The following NFKBIE variants were observed in gnomAD, a reference collection of about 807,000 sequenced individuals.
NFKBIE encodes the protein NFKB inhibitor epsilon, also known as NF-kappa-B inhibitor epsilon.
NFKBIE carries 11 observed loss-of-function variants against 31.6 expected under a neutral mutation model. The observed-to-expected ratio is 0.35, with a 90% CI of 0.22 to 0.58. The LOEUF is 0.58. Ranked by LOEUF, NFKBIE falls within the 20% of genes least tolerant of loss-of-function variation. The pLI is 0.83. For missense variants in NFKBIE, 354 were observed against 465.7 expected, an observed-to-expected ratio of 0.76 and a Z score of 2.21; for synonymous variants, 208 against 210.1, an observed-to-expected ratio of 0.99 and a Z score of 0.09.
intron 5 of NFKBIE, 45 bp downstream of exon 5, chr6:44,259,998 C>A (rs989140155): frequency 6.3e-7 from 1 of 1,595,134 alleles, no homozygotes; most frequent in African/African-American, 1.3e-5. Flanking sequence ...CCTCTCTCTG[C>A]TATGGGTGTG....
At position 44,265,154 on chromosome 6, in the gene NFKBIE, C is replaced by T; in HGVS notation, c.193G>A (p.Asp65Asn). The T allele has an allele frequency of 1.3e-6, 2 of 1,552,036 alleles. No homozygotes were observed. The highest frequency in any genetic ancestry group is 1.7e-6 in the Non-Finnish European group (2 of 1,147,106). ...TAGGTGGAATCAGCCCGCTCCCCATCCGCGTCTTCCTTCTCCTGTGGTTCC... is the reference window on the plus strand; with the variant it reads ...TAGGTGGAATCAGCCCGCTCCCCATTCGCGTCTTCCTTCTCCTGTGGTTCC... ...VKEPQEKEDADGERADSTYGS... is the reference protein window; with the variant it reads ...VKEPQEKEDANGERADSTYGS... Residue 65 changes from aspartate to asparagine, a missense_variant, in exon 1 of 6, where the codon GAT becomes AAT. By Grantham distance (23) the Asp-to-Asn change is conservative (BLOSUM62 1). Coordinates refer to ENST00000619360, the MANE Select transcript of NFKBIE (RefSeq NM_004556.3).
rs1204910529 is a variant in NFKBIE at position 44,260,181 on chromosome 6, G to A, written c.882C>T (p.Arg294=). ...LLQAGAQVDA[R]MLNGCTPLHL... is the part of the protein sequence containing the mutation. Reference sequence around the variant, plus strand: ...GCAGGGGTGTGCACCCGTTCAGCATGCGGGCATCTACCTGGGCACCAGCCT... The same window carrying A: ...GCAGGGGTGTGCACCCGTTCAGCATACGGGCATCTACCTGGGCACCAGCCT... The change falls in exon 5 of 6, where the codon CGC becomes CGT. Residue 294 remains arginine (R), a synonymous_variant. Transcript: ENST00000619360. The surrounding 1 kb of genome is among the most constrained non-coding windows in gnomAD (Gnocchi z 5.5). 2.0e-5 allele frequency: 33 copies of A among 1,614,078 alleles called. No homozygotes were observed. The highest frequency in any genetic ancestry group is 2.6e-5 in the Non-Finnish European group (31 of 1,180,036).
Position 44,258,913 on chromosome 6 carries a change from A to G in NFKBIE, c.*306T>C, listed in dbSNP as rs1781784792. 3.7e-6 allele frequency: 1 copy of G among 266,942 alleles called. No individual in the cohort carries two copies. Among genetic ancestry groups the G allele is most frequent in the Middle Eastern group, 1.4e-3 (1 of 716 alleles). 16.5% of individuals were successfully genotyped at this position (266,942 alleles called of 1,614,324 possible). ...GTTGGCAGTTTCAGGCTGACCCAAC[A>G]TGGGTAAAACAAGAGCACCTGCCAT... On this transcript the variant is annotated 3_prime_UTR_variant, in exon 6 of 6. Transcript: ENST00000619360.
At chr6:44,264,940 C>T in intron 1 of NFKBIE, 42 bp downstream of exon 1, 1 of 1,541,440 alleles carries the variant, frequency 6.5e-7, no homozygotes. Context: ...CTTGGGCAGG[C>T]CCAGAGTTAG....
At position 44,260,951 on chromosome 6, in the gene NFKBIE, T is replaced by C. The variant is rs548664127; in HGVS notation, c.692-412A>G. Among the ~76,000 whole-genome samples the C allele has an allele frequency of 1.3e-3, 193 of 151,246 alleles. 1 individual carries two copies. Among genetic ancestry groups the C allele is most frequent in the Non-Finnish European group, 1.2e-3 (78 of 67,802 alleles). ...TCTGAAAAGCCACCTAAGATCCTCA[T>C]GCCCCCAGCCCTTTCTCAGGGGCCG... On this transcript the variant is annotated intron_variant, in intron 3 of 5. Coordinates refer to ENST00000619360, the MANE Select transcript of NFKBIE (RefSeq NM_004556.3). This position sits in a 1 kb window ranked among gnomAD's most constrained non-coding sequence, Gnocchi z 5.5.
At position 44,261,116 on chromosome 6, in the gene NFKBIE, T is replaced by C. The variant is rs959376583; in HGVS notation, c.691+510A>G. On this transcript the variant is annotated intron_variant, in intron 3 of 5. Transcript: ENST00000619360. The surrounding 1 kb of genome is among the most constrained non-coding windows in gnomAD (Gnocchi z 4.3). ...CGCTATTCAGATGTCACTGGCTCCA[T>C]GAGGCCTTCCCGGACCACCCTATTT... is the stretch of plus-strand genomic sequence containing the variant. Among the ~76,000 whole-genome samples, 1 of 152,226 alleles carries C rather than the reference T, an allele frequency of 6.6e-6. No homozygotes were observed. The highest frequency in any genetic ancestry group is 1.9e-4 in the East Asian group (1 of 5,198).
rs1392325532 is a variant in NFKBIE, at chr6:44,265,515, G to A, written c.-169C>T. The A allele has an allele frequency of 1.3e-6, 2 of 1,557,836 alleles. No homozygotes were observed. The highest frequency in any genetic ancestry group is 1.7e-6 in the Non-Finnish European group (2 of 1,153,638). On this transcript the variant is annotated 5_prime_UTR_variant, in exon 1 of 6. Coordinates refer to ENST00000619360, the MANE Select transcript of NFKBIE (RefSeq NM_004556.3). ...AGGGGCCGGCGCGCAGCGAGGACAA[G>A]GTTCGGAGCGCTGGCCAGGTCCACC...
chr6:44,264,382 T>C (rs1417169604), intron 1 of NFKBIE, among the ~76,000 whole-genome samples: 1 of 152,168 alleles, frequency 6.6e-6, no homozygotes, highest in Non-Finnish European at 1.5e-5. Flanking sequence ...GTAGAGGATG[T>C]CAGGGACGCT....
chr6:44,262,885 G>T (rs1196386090), intron 1 of NFKBIE, among the ~76,000 whole-genome samples: 1 of 152,186 alleles, frequency 6.6e-6, no homozygotes, highest in Admixed American at 6.5e-5. Context: ...GCCTTGGCTG[G>T]GTGGGCATGT....
chr6:44,261,746 CTG>C lies in NFKBIE; in HGVS notation c.569_570del (p.Thr190SerfsTer66). On this transcript the variant is annotated frameshift_variant, in exon 3 of 6. Coordinates refer to ENST00000619360, the MANE Select transcript of NFKBIE (RefSeq NM_004556.3). LOFTEE classifies it high-confidence loss of function. The surrounding 1 kb of genome is among the most constrained non-coding windows in gnomAD (Gnocchi z 4.3). Reference protein sequence around the residue: ...SRALQDRHGDTALHVACQRQH... With the variant: ...SRALQDRHGDXALHVACQRQH... Reference sequence around the variant, plus strand: ...TGGCGCTGGCAGGCCACATGAAGGGCTGTGTCACCATGCCGGTCCTGTAGTGC... The same window carrying C: ...TGGCGCTGGCAGGCCACATGAAGGGCTGTCACCATGCCGGTCCTGTAGTGC... 6.2e-7 allele frequency: 1 copy of C among 1,614,048 alleles called. No homozygotes were observed. The highest frequency in any genetic ancestry group is 1.3e-5 in the African/African-American group (1 of 75,062).
rs1781895099 is a variant in NFKBIE, at chr6:44,260,906, C to T, written c.692-367G>A. Reference sequence around the variant, plus strand: ...ACACACACACAACCTGCCTTCAAGCCCAGTCTGAAAGCCACCTTTTCTGAA... The same window carrying T: ...ACACACACACAACCTGCCTTCAAGCTCAGTCTGAAAGCCACCTTTTCTGAA... On this transcript the variant is annotated intron_variant, in intron 3 of 5. Transcript: ENST00000619360. This position sits in a 1 kb window ranked among gnomAD's most constrained non-coding sequence, Gnocchi z 5.5. 6.7e-6 allele frequency among the ~76,000 whole-genome samples: 1 copy of T among 148,710 alleles called. No homozygotes were observed. The highest frequency in any genetic ancestry group is 1.5e-5 in the Non-Finnish European group (1 of 67,262).
At chr6:44,264,951 C>T in intron 1 of NFKBIE, 31 bp downstream of exon 1, 1 of 1,546,298 alleles carries the variant, frequency 6.5e-7, no homozygotes. Flanking sequence ...CCAGAGTTAG[C>T]ATCCCGATTC....
chr6:44,260,407 G>GGGGGCAGGCCCT lies in NFKBIE; in HGVS notation c.780+32_780+43dup. On this transcript the variant is annotated intron_variant, in intron 4 of 5. Coordinates refer to ENST00000619360, the MANE Select transcript of NFKBIE (RefSeq NM_004556.3). This position sits in a 1 kb window ranked among gnomAD's most constrained non-coding sequence, Gnocchi z 5.5. Reference sequence around the variant, plus strand: ...CAGGGGACTTGGGGATGTGTCAGGTGGGGGCAGGCCCTGGGCCGGGCAGTG... The same window carrying GGGGGCAGGCCCT: ...CAGGGGACTTGGGGATGTGTCAGGTGGGGGCAGGCCCTGGGGCAGGCCCTGGGCCGGGCAGTG... The GGGGGCAGGCCCT allele has an allele frequency of 6.2e-7, 1 of 1,613,474 alleles. No individual in the cohort carries two copies. Among genetic ancestry groups the GGGGGCAGGCCCT allele is most frequent in the South Asian group, 1.1e-5 (1 of 91,048 alleles).
chr6:44,259,067 G>T lies in NFKBIE; in HGVS notation c.*152C>A. On this transcript the variant is annotated 3_prime_UTR_variant, in exon 6 of 6. Transcript: ENST00000619360. ...TTCCACTTGCAGTCCCTCCTCCTCG[G>T]CTCAGGACTGTACTGGCTGGCCCCA... The T allele has an allele frequency of 1.4e-6, 1 of 721,882 alleles. No homozygotes were observed. Among genetic ancestry groups the T allele is most frequent in the Non-Finnish European group, 2.4e-6 (1 of 419,214 alleles). 44.7% of individuals were successfully genotyped at this position (721,882 alleles called of 1,614,324 possible). A position where few individuals can be genotyped will look rare whatever the true frequency, so the allele number is the denominator to read the frequency against.
At chr6:44,264,903 A>AG in intron 1 of NFKBIE, 79 bp downstream of exon 1, 1 of 1,444,032 alleles carries the variant, frequency 6.9e-7, no homozygotes, top group Non-Finnish European at 9.4e-7. Flanking sequence ...TTCACGGGGG[A>AG]GTGGGGGTGC....
At position 44,265,033 on chromosome 6, in the gene NFKBIE, A is replaced by C; in HGVS notation, c.314T>G (p.Leu105Arg). The C allele has an allele frequency of 6.3e-7, 1 of 1,585,422 alleles. No individual in the cohort carries two copies. The highest frequency in any genetic ancestry group is 8.6e-7 in the Non-Finnish European group (1 of 1,166,000). Reference sequence around the variant, plus strand: ...GAGTGCTTCCAGCTGCTGAGGGCTCAGCGCCCCCACGTGGGGGAGTGGCAG... The same window carrying C: ...GAGTGCTTCCAGCTGCTGAGGGCTCCGCGCCCCCACGTGGGGGAGTGGCAG... ...PRLPLPHVGA[L>R]SPQQLEALTY... Residue 105 changes from leucine to arginine, a missense_variant, in exon 1 of 6, where the codon CTG becomes CGG. Coordinates refer to ENST00000619360, the MANE Select transcript of NFKBIE (RefSeq NM_004556.3).
chr6:44,261,620 C>T lies in NFKBIE; in HGVS notation c.691+6G>A. The T allele has an allele frequency of 6.2e-7, 1 of 1,613,996 alleles. No homozygotes were observed. The highest frequency in any genetic ancestry group is 1.1e-5 in the South Asian group (1 of 90,950). The stretch of plus-strand genomic sequence containing the variant: ...CCCTAAGGGCAGTCTTAAAGACTGT[C>T]CACACCTTGCCAGTTTTGCAGCTGG... On this transcript the variant is annotated splice_donor_region_variant and intron_variant, in intron 3 of 5. Transcript: ENST00000619360. The surrounding 1 kb of genome is among the most constrained non-coding windows in gnomAD (Gnocchi z 4.3).
chr6:44,264,191 C>G (rs1782029157), intron 1 of NFKBIE, among the ~76,000 whole-genome samples: 1 of 152,228 alleles, frequency 6.6e-6, no homozygotes, highest in Non-Finnish European at 1.5e-5. Flanking sequence ...TTTCCCTCCT[C>G]TGTCAATGTT....
Position 44,262,678 on chromosome 6 carries a change from CG to C in NFKBIE, c.366-17del, listed in dbSNP as rs1244555455. Reference sequence around the variant, plus strand: ...GTGGACCAGCCTAGGGGAGCAGAGGCGGGGCTTAGAGTTAAGGGCCCAGGCC... The same window carrying C: ...GTGGACCAGCCTAGGGGAGCAGAGGCGGGCTTAGAGTTAAGGGCCCAGGCC... On this transcript the variant is annotated splice_polypyrimidine_tract_variant and intron_variant, in intron 1 of 5. Transcript: ENST00000619360. 2 of 1,609,574 alleles carry C rather than the reference CG, an allele frequency of 1.2e-6. No homozygotes were observed. The highest frequency in any genetic ancestry group is 2.7e-5 in the African/African-American group (2 of 74,842).
Sources: gnomAD v4.1 joint callset for allele counts (sites outside exome capture counted in the v4.1 genomes callset) on GRCh38, gnomAD v4.1.1 for gene constraint, Gnocchi (gnomAD v3.1) non-coding constraint, MANE v1.5 for transcripts, NCBI Gene and HGNC (gene_info 2026-07-23, HGNC 2026-07-21) for gene names.